ANKFN1: variants seen among roughly 807,000 people sequenced by gnomAD.
ANKFN1 encodes the protein ankyrin repeat and fibronectin type-III domain-containing protein 1.
In ANKFN1, 74 loss-of-function variants were observed where a neutral mutation model predicts 108.7. That is an observed-to-expected ratio of 0.68 (90% CI 0.56 to 0.83). The LOEUF (loss-of-function observed/expected upper bound fraction) is 0.83. Ranked by LOEUF, ANKFN1 falls within the 40% of genes least tolerant of loss-of-function variation. The probability of loss-of-function intolerance (pLI) is 0.00; values close to 1 mark genes in which losing one functional copy is unlikely to be tolerated. For missense variants in ANKFN1, 1,505 were observed against 1,382.3 expected (o/e 1.09, Z -1.41); for synonymous variants, 547 against 516.2 (o/e 1.06, Z -0.81).
At chr17:56,504,744 C>T (rs1378667462) in intron 20 of ANKFN1, among the ~76,000 whole-genome samples, 6 of 151,886 alleles carry the variant, frequency 4.0e-5, no homozygotes, top group Non-Finnish European at 5.9e-5. Flanking sequence ...CAACCTCTGA[C>T]TCCCAGGTTC....
chr17:56,497,166 G>C (rs145321004), intron 19 of ANKFN1, among the ~76,000 whole-genome samples: 4 of 152,268 alleles, frequency 2.6e-5, no homozygotes, highest in African/African-American at 7.2e-5. Context: ...AGCCAGCTGA[G>C]AGAACAACAA....
chr17:56,048,151 G>T (rs9904959), intron 4 of ANKFN1, among the ~76,000 whole-genome samples: 11,175 of 152,174 alleles, frequency 0.073, 1,271 homozygotes, highest in African/African-American at 0.24. Context: ...AACTTTCATA[G>T]AGATTATCAT....
rs966756896 is a variant in ANKFN1 at position 56,243,881 on chromosome 17, A to G, written c.53+15924A>G. On this transcript the variant is annotated intron_variant, in intron 3 of 20. Coordinates refer to ENST00000682825, the MANE Select transcript of ANKFN1 (RefSeq NM_001370326.1). ...GGTTTTTAATTAAAATTAGAAATCT[A>G]TGTAATTATCATGTTCTGTAGTTCT... Among the ~76,000 whole-genome samples the G allele has an allele frequency of 7.2e-5, 11 of 152,176 alleles. 1 individual carries two copies. In the South Asian group the frequency reaches 1.0e-3, roughly 14 times the overall value.
At chr17:56,050,503 T>G (rs894409528) in intron 4 of ANKFN1, among the ~76,000 whole-genome samples, 3 of 141,930 alleles carry the variant, frequency 2.1e-5, no homozygotes, top group Non-Finnish European at 3.0e-5. Context: ...CTAGGTTTTC[T>G]TCTAGGGTTT....
At chr17:56,346,621 A>T (rs75796684) in intron 4 of ANKFN1, among the ~76,000 whole-genome samples, 8,682 of 152,004 alleles carry the variant, frequency 0.057, 569 homozygotes, top group African/African-American at 0.16. Context: ...TTTGGTTAAT[A>T]TCCCAGATCC....
intron 4 of ANKFN1, among the ~76,000 whole-genome samples, chr17:56,071,350 G>A (rs941676219): frequency 6.6e-6 from 1 of 152,138 alleles, no homozygotes; most frequent in East Asian, 1.9e-4. Flanking sequence ...TTTCATCCTT[G>A]TGATTCCCTC....
At chr17:56,327,339 A>G (rs2045546810) in intron 4 of ANKFN1, among the ~76,000 whole-genome samples, 1 of 152,068 alleles carries the variant, frequency 6.6e-6, no homozygotes, top group Non-Finnish European at 1.5e-5. Flanking sequence ...TCTCTGGTGA[A>G]CTCAGAGTCC....
At chr17:56,191,995 G>C (rs1912980482) in intron 1 of ANKFN1, among the ~76,000 whole-genome samples, 1 of 151,692 alleles carries the variant, frequency 6.6e-6, no homozygotes, top group African/African-American at 2.4e-5. Context: ...CTTTCTTCCA[G>C]TTGATCGCAT....
chr17:56,389,008 C>CA (rs61666228), intron 8 of ANKFN1, among the ~76,000 whole-genome samples: 2,053 of 92,776 alleles, frequency 0.022, 22 homozygotes, highest in Middle Eastern at 0.06. Flanking sequence ...TTGGCAATTT[C>CA]AAAAAAAAAA....
chr17:56,279,197 C>G (rs2044008938), intron 3 of ANKFN1, among the ~76,000 whole-genome samples: 3 of 151,816 alleles, frequency 2.0e-5, no homozygotes, highest in Non-Finnish European at 4.4e-5. Context: ...TCTAATATAC[C>G]CAATATAAAG....
chr17:56,420,028 T>A (rs2048354686), intron 8 of ANKFN1, among the ~76,000 whole-genome samples: 1 of 152,018 alleles, frequency 6.6e-6, no homozygotes, highest in Admixed American at 6.6e-5. Context: ...TACGGCCAAA[T>A]CCCCAGAGCA....
Position 56,384,358 on chromosome 17 carries a change from C to G in ANKFN1, c.910+9644C>G, listed in dbSNP as rs560148654. ...ATAATAAGAGCTATCTATGACAAAC[C>G]CACAGCCAATATCATACTGAATGGG... is the stretch of plus-strand genomic sequence containing the variant. On this transcript the variant is annotated intron_variant, in intron 8 of 20. Transcript: ENST00000682825. Among the ~76,000 whole-genome samples the G allele has an allele frequency of 5.9e-5, 9 of 152,152 alleles. No individual in the cohort carries two copies. In the South Asian group the frequency reaches 1.9e-3, roughly 32 times the overall value.
In ANKFN1 at chr17:56,076,013, G is replaced by A. The variant is rs78755383; in HGVS notation, c.288+29688G>A. Among the ~76,000 whole-genome samples, 315 of 152,292 alleles carry A rather than the reference G, an allele frequency of 2.1e-3. 3 individuals carry two copies. Among genetic ancestry groups the A allele is most frequent in the Admixed American group, 3.5e-3 (54 of 15,300 alleles). On this transcript the variant is annotated intron_variant, in intron 4 of 12. Transcript: ENST00000635860. ...AACCCTCTTGAACCATTACAGGGCA[G>A]AACAGAACTAATTGCTCTGGCATCT...
At chr17:56,202,295 C>T (rs1034865629) in intron 1 of ANKFN1, among the ~76,000 whole-genome samples, 66 of 144,070 alleles carry the variant, frequency 4.6e-4, no homozygotes, top group African/African-American at 1.6e-3. Context: ...AAGACTTTCT[C>T]CTCCTCAGCC....
At chr17:56,308,868 A>G (rs1351049466) in intron 3 of ANKFN1, among the ~76,000 whole-genome samples, 6 of 152,208 alleles carry the variant, frequency 3.9e-5, no homozygotes, top group Non-Finnish European at 7.4e-5. Context: ...GGTGAATTAC[A>G]TTGATTGGTG....
At chr17:56,169,086 A>G (rs1910415616) in intron 1 of ANKFN1, among the ~76,000 whole-genome samples, 1 of 152,136 alleles carries the variant, frequency 6.6e-6, no homozygotes, top group South Asian at 2.1e-4. Context: ...TGGTCTTTAG[A>G]GAGCATCAAA....
At chr17:56,140,109 A>G (rs536483845) in intron 4 of ANKFN1, among the ~76,000 whole-genome samples, 101 of 152,364 alleles carry the variant, frequency 6.6e-4, no homozygotes, top group African/African-American at 2.3e-3. Context: ...AACTCAAAAC[A>G]TCTAAAACAT....
chr17:56,216,111 T>TC (rs1286764924), intron 2 of ANKFN1, among the ~76,000 whole-genome samples: 1 of 152,170 alleles, frequency 6.6e-6, no homozygotes, highest in Non-Finnish European at 1.5e-5. Flanking sequence ...GGGGCTTTTT[T>TC]CCCCCAAATT....
chr17:56,170,807 T>TACACACACACAC (rs112596144), intron 1 of ANKFN1, among the ~76,000 whole-genome samples: 16 of 61,442 alleles, frequency 2.6e-4, no homozygotes, highest in East Asian at 2.0e-3. Flanking sequence ...TATATATATA[T>TACACACACACAC]ACACACACAC....
Sources: gnomAD v4.1 joint callset for allele counts (sites outside exome capture counted in the v4.1 genomes callset) on GRCh38, gnomAD v4.1.1 for gene constraint, MANE v1.5 for transcripts, NCBI Gene and HGNC (gene_info 2026-07-23, HGNC 2026-07-21) for gene names.